The following RBFOX1 variants were observed in gnomAD, a reference collection of about 807,000 sequenced individuals.
RBFOX1 encodes the protein RNA binding fox-1 homolog 1.
A neutral mutation model predicts 57.7 loss-of-function variants in RBFOX1; 8 were observed. The observed-to-expected ratio is 0.14, with a 90% CI of 0.08 to 0.25. RBFOX1 has a LOEUF of 0.25. RBFOX1 is among the 10% of genes least tolerant of loss of function. The pLI is 1.00. For missense variants in RBFOX1, 611 were observed against 548.5 expected, an observed-to-expected ratio of 1.11 and a Z score of -1.14; for synonymous variants, 326 against 222.4, an observed-to-expected ratio of 1.47 and a Z score of -4.15.
chr16:6,410,397 C>T (rs904007765), intron 2 of RBFOX1, among the ~76,000 whole-genome samples: 8 of 150,218 alleles, frequency 5.3e-5, no homozygotes, highest in Non-Finnish European at 1.0e-4. Flanking sequence ...CTGCAAGCTC[C>T]ACCTTCTGGG....
intron 1 of RBFOX1, among the ~76,000 whole-genome samples, chr16:5,337,688 A>T (rs1202661257): frequency 6.6e-6 from 1 of 152,246 alleles, no homozygotes; most frequent in Admixed American, 6.5e-5. Flanking sequence ...AATCTGGAAG[A>T]GGTGAATCCT....
intron 4 of RBFOX1, among the ~76,000 whole-genome samples, chr16:7,432,743 C>T (rs143725819): frequency 9.2e-5 from 14 of 152,194 alleles, no homozygotes; most frequent in African/African-American, 3.4e-4. Context: ...GTCCTAGACT[C>T]CAGCTGATGG....
chr16:7,386,575 A>G (rs372107920), intron 4 of RBFOX1, among the ~76,000 whole-genome samples: 1,738 of 152,212 alleles, frequency 0.011, 20 homozygotes, highest in Middle Eastern at 0.044. Flanking sequence ...TTATGGCTGC[A>G]TAGTATTCCA....
At chr16:5,584,037 G>A (rs752129732) in intron 2 of RBFOX1, among the ~76,000 whole-genome samples, 2 of 152,076 alleles carry the variant, frequency 1.3e-5, no homozygotes, top group Admixed American at 6.5e-5. Flanking sequence ...CTAGTACCCC[G>A]TGCTCCAAGT....
intron 2 of RBFOX1, among the ~76,000 whole-genome samples, chr16:6,473,382 C>T (rs1171965174): frequency 6.6e-6 from 1 of 152,094 alleles, no homozygotes; most frequent in Non-Finnish European, 1.5e-5. Context: ...TGGATGCTGA[C>T]AACCCTAGCA....
chr16:6,045,957 G>A (rs1316958778), intron 1 of RBFOX1, among the ~76,000 whole-genome samples: 1 of 152,226 alleles, frequency 6.6e-6, no homozygotes, highest in Non-Finnish European at 1.5e-5. Flanking sequence ...GAAGGGATCA[G>A]TGTAGCCTTG....
chr16:5,827,660 G>T (rs2056112987), intron 3 of RBFOX1, among the ~76,000 whole-genome samples: 1 of 152,110 alleles, frequency 6.6e-6, no homozygotes, highest in Non-Finnish European at 1.5e-5. Flanking sequence ...GGCTGCAGCT[G>T]TTTTTTAGTT....
chr16:7,435,956 A>G (rs1179933369), intron 4 of RBFOX1, among the ~76,000 whole-genome samples: 1 of 152,220 alleles, frequency 6.6e-6, no homozygotes, highest in Non-Finnish European at 1.5e-5. Flanking sequence ...GCAGCACGTC[A>G]TTCCTTTTAT....
intron 2 of RBFOX1, among the ~76,000 whole-genome samples, chr16:6,651,308 C>T (rs1044655775): frequency 6.6e-6 from 1 of 152,196 alleles, no homozygotes. Flanking sequence ...GGCCCCAGGT[C>T]GCCATCTTTC....
intron 2 of RBFOX1, among the ~76,000 whole-genome samples, chr16:6,533,485 T>A (rs541630809): frequency 7.2e-5 from 11 of 152,290 alleles, no homozygotes; most frequent in African/African-American, 2.6e-4. Context: ...TTCTGGACTC[T>A]ACACTTGACA....
chr16:6,243,750 G>C (rs2097552699), intron 1 of RBFOX1, among the ~76,000 whole-genome samples: 1 of 152,148 alleles, frequency 6.6e-6, no homozygotes, highest in Non-Finnish European at 1.5e-5. Context: ...ATTGCTGGGG[G>C]CCCTAGCACC....
intron 3 of RBFOX1, among the ~76,000 whole-genome samples, chr16:5,845,415 T>G (rs1266515928): frequency 6.6e-6 from 1 of 152,170 alleles, no homozygotes; most frequent in Middle Eastern, 3.2e-3. Flanking sequence ...GGAATATTGG[T>G]CTCCAGCCTT....
At chr16:6,894,903 T>C (rs1384518530) in intron 3 of RBFOX1, among the ~76,000 whole-genome samples, 1 of 152,166 alleles carries the variant, frequency 6.6e-6, no homozygotes, top group African/African-American at 2.4e-5. Context: ...TGTGGCTTTC[T>C]CAGCTAAAAT....
At chr16:5,243,473 A>G (rs2062219573) in intron 1 of RBFOX1, among the ~76,000 whole-genome samples, 1 of 152,186 alleles carries the variant, frequency 6.6e-6, no homozygotes, top group South Asian at 2.1e-4. Flanking sequence ...GCACCGTCAC[A>G]ACACTTGGGG....
intron 3 of RBFOX1, among the ~76,000 whole-genome samples, chr16:5,757,561 A>G (rs1049161066): frequency 1.3e-5 from 2 of 152,180 alleles, no homozygotes; most frequent in Non-Finnish European, 2.9e-5. Context: ...CCAGCCTAGA[A>G]GAACACATCA....
chr16:7,184,132 G>T (rs985693174), intron 4 of RBFOX1, among the ~76,000 whole-genome samples: 2 of 152,272 alleles, frequency 1.3e-5, no homozygotes, highest in East Asian at 3.9e-4. Flanking sequence ...GACAGGAAAG[G>T]GCTTTGTGTA....
intron 4 of RBFOX1, among the ~76,000 whole-genome samples, chr16:7,256,653 T>G (rs1366802678): frequency 2.0e-5 from 3 of 152,196 alleles, no homozygotes; most frequent in Non-Finnish European, 4.4e-5. Context: ...TACCCTCTTG[T>G]AACTAAGAAT....
In RBFOX1 at chr16:7,393,574, G is replaced by C. The variant is rs570090474; in HGVS notation, c.28-124573G>C. Among the ~76,000 whole-genome samples the C allele has an allele frequency of 5.3e-5, 8 of 152,248 alleles. No individual in the cohort carries two copies. In the South Asian group the frequency reaches 1.5e-3, roughly 28 times the overall value. On this transcript the variant is annotated intron_variant, in intron 4 of 15. Coordinates refer to ENST00000550418, the MANE Select transcript of RBFOX1 (RefSeq NM_018723.4). ...GAATGCTCTCTGGACAATGCTATAG[G>C]GGGTGGTGGTAATGAATCAGGATAA...
intron 2 of RBFOX1, among the ~76,000 whole-genome samples, chr16:6,493,180 C>G (rs955040080): frequency 2.0e-5 from 3 of 152,110 alleles, no homozygotes; most frequent in South Asian, 2.1e-4. Flanking sequence ...CATAGGCAAC[C>G]TAAATTGCTT....
Sources: gnomAD v4.1 joint callset for allele counts (sites outside exome capture counted in the v4.1 genomes callset) on GRCh38, gnomAD v4.1.1 for gene constraint, MANE v1.5 for transcripts, NCBI Gene and HGNC (gene_info 2026-07-23, HGNC 2026-07-21) for gene names.